EYA2: variants seen among roughly 807,000 people sequenced by gnomAD.
The protein encoded by EYA2 is EYA transcriptional coactivator and phosphatase 2.
In EYA2, 31 loss-of-function variants were observed where a neutral mutation model predicts 69.2. The observed-to-expected ratio is 0.45, with a 90% CI of 0.34 to 0.60. EYA2 has a LOEUF of 0.60. Among genes scored for constraint, EYA2 ranks in the 20% least tolerant of loss-of-function variants. The probability of loss-of-function intolerance (pLI) is 0.02; values close to 1 mark genes in which losing one functional copy is unlikely to be tolerated. For synonymous variants in EYA2, 257 were observed against 279.4 expected (o/e 0.92, Z 0.80); for missense variants, 622 against 701.2 (o/e 0.89, Z 1.28).
chr20:46,909,330 A>G (rs1279045600), intron 1 of EYA2, among the ~76,000 whole-genome samples: 1 of 152,090 alleles, frequency 6.6e-6, no homozygotes, highest in African/African-American at 2.4e-5. Flanking sequence ...AGGAGATTGG[A>G]AAGTTGAGTA....
At chr20:47,126,462 C>T (rs966012233) in intron 9 of EYA2, among the ~76,000 whole-genome samples, 4 of 152,266 alleles carry the variant, frequency 2.6e-5, no homozygotes, top group East Asian at 1.9e-4. Flanking sequence ...AAGGGCAGAG[C>T]GCAGATTGCA....
At chr20:47,033,746 G>A (rs1245666639) in intron 5 of EYA2, among the ~76,000 whole-genome samples, 2 of 152,228 alleles carry the variant, frequency 1.3e-5, no homozygotes, top group East Asian at 3.8e-4. Context: ...CAAATTGAAG[G>A]CTGCTCCTTT....
At chr20:46,982,773 T>C (rs1600605956) in intron 1 of EYA2, among the ~76,000 whole-genome samples, 1 of 122,104 alleles carries the variant, frequency 8.2e-6, no homozygotes, top group Non-Finnish European at 1.6e-5. Flanking sequence ...TTCTGTAATT[T>C]CCTTTTTTTT....
intron 5 of EYA2, among the ~76,000 whole-genome samples, chr20:47,057,250 T>A (rs2030674442): frequency 6.6e-6 from 1 of 151,776 alleles, no homozygotes; most frequent in Non-Finnish European, 1.5e-5. Context: ...AGCAGCTGAG[T>A]GAATGAAAGG....
At chr20:47,034,282 A>G (rs149829327) in intron 5 of EYA2, among the ~76,000 whole-genome samples, 20 of 152,390 alleles carry the variant, frequency 1.3e-4, no homozygotes, top group African/African-American at 4.3e-4. Flanking sequence ...AAATTTATTT[A>G]AGTAAAAACA....
chr20:46,966,516 G>A (rs1979791883), intron 1 of EYA2, among the ~76,000 whole-genome samples: 1 of 151,988 alleles, frequency 6.6e-6, no homozygotes, highest in East Asian at 1.9e-4. Context: ...AAAAAAATAT[G>A]TAAAACAGCA....
chr20:46,936,614 T>C (rs1985919502), intron 1 of EYA2, among the ~76,000 whole-genome samples: 1 of 152,180 alleles, frequency 6.6e-6, no homozygotes, highest in South Asian at 2.1e-4. Context: ...AAGGCAGGTG[T>C]CTTTCTCTCA....
At chr20:46,942,568 T>C (rs1986202540) in intron 1 of EYA2, among the ~76,000 whole-genome samples, 1 of 152,200 alleles carries the variant, frequency 6.6e-6, no homozygotes, top group South Asian at 2.1e-4. Flanking sequence ...GTTATGCAGA[T>C]GTGACTTACC....
intron 12 of EYA2, among the ~76,000 whole-genome samples, chr20:47,174,627 T>C (rs964398222): frequency 3.3e-5 from 5 of 152,256 alleles, no homozygotes; most frequent in Non-Finnish European, 7.3e-5. Flanking sequence ...CTAAGCGCGG[T>C]CCTGGCAGTA....
intron 10 of EYA2, among the ~76,000 whole-genome samples, chr20:47,152,061 C>CTAAG (rs1204318503): frequency 6.6e-6 from 1 of 152,038 alleles, no homozygotes; most frequent in Non-Finnish European, 1.5e-5. Context: ...CTGCAGAACT[C>CTAAG]TAGAGGTTAG....
Position 47,027,543 on chromosome 20 carries a change from C to T in EYA2, c.415+11246C>T, listed in dbSNP as rs551931346. Among the ~76,000 whole-genome samples, 14 of 152,272 alleles carry T rather than the reference C, an allele frequency of 9.2e-5. No homozygotes were observed. In the South Asian group the frequency reaches 2.3e-3, roughly 25 times the overall value. ...GAGCTAAAGTCTTCTGAATTTAGAA[C>T]GTATAGAGTTTAAATGGAGGGTCTT... On this transcript the variant is annotated intron_variant, in intron 5 of 15. Transcript: ENST00000327619.
chr20:47,143,856 T>C (rs1195975884), intron 10 of EYA2, among the ~76,000 whole-genome samples: 1 of 152,140 alleles, frequency 6.6e-6, no homozygotes, highest in African/African-American at 2.4e-5. Flanking sequence ...AAATCCAGGC[T>C]CAGGCTAACT....
chr20:47,103,478 G>T (rs984904216), intron 9 of EYA2, among the ~76,000 whole-genome samples: 1 of 152,210 alleles, frequency 6.6e-6, no homozygotes, highest in African/African-American at 2.4e-5. Context: ...TCAAGACTGG[G>T]TAATTTATAA....
At chr20:47,120,856 G>C (rs753573746) in intron 9 of EYA2, among the ~76,000 whole-genome samples, 1 of 152,186 alleles carries the variant, frequency 6.6e-6, no homozygotes, top group Non-Finnish European at 1.5e-5. Context: ...GTTAGTTCTT[G>C]AGTTTGAATT....
At chr20:46,989,653 CCTGT>C (rs1389894522) in intron 1 of EYA2, among the ~76,000 whole-genome samples, 2 of 152,234 alleles carry the variant, frequency 1.3e-5, no homozygotes, top group Non-Finnish European at 2.9e-5. Flanking sequence ...TCCCTCTCTG[CCTGT>C]CTGTCTCTTT....
At chr20:47,009,897 G>C (rs1036340891) in intron 4 of EYA2, among the ~76,000 whole-genome samples, 1 of 152,186 alleles carries the variant, frequency 6.6e-6, no homozygotes, top group African/African-American at 2.4e-5. Context: ...GCATCTTTTA[G>C]TACACATTCT....
chr20:47,003,627 GA>G (rs1050276971), intron 3 of EYA2, among the ~76,000 whole-genome samples: 1 of 151,992 alleles, frequency 6.6e-6, no homozygotes, highest in African/African-American at 2.4e-5. Flanking sequence ...TTCAAATTAG[GA>G]AAAAAAATAA....
chr20:46,981,658 T>TA lies in EYA2; in HGVS notation c.-10-8342dup, dbSNP rs1186755550. 2.6e-5 allele frequency among the ~76,000 whole-genome samples: 4 copies of TA among 152,306 alleles called. No individual in the cohort carries two copies. In the East Asian group the frequency reaches 7.7e-4, roughly 29 times the overall value. ...TTTTGGAAAAAATAAACTTTTAAATTATCATATATTGGTGGATTATTTTAT... is the reference window on the plus strand; with the variant it reads ...TTTTGGAAAAAATAAACTTTTAAATTAATCATATATTGGTGGATTATTTTAT... On this transcript the variant is annotated intron_variant, in intron 1 of 15. Transcript: ENST00000327619.
At chr20:46,989,709 A>G (rs1312543422) in intron 1 of EYA2, among the ~76,000 whole-genome samples, 1 of 152,228 alleles carries the variant, frequency 6.6e-6, no homozygotes, top group African/African-American at 2.4e-5. Flanking sequence ...GCTCATTTAT[A>G]TGACATTGAA....
Sources: allele counts gnomAD v4.1 joint callset (sites outside exome capture counted in the v4.1 genomes callset), GRCh38; gene constraint gnomAD v4.1.1; transcripts MANE v1.5; gene names NCBI Gene and HGNC (gene_info 2026-07-23, HGNC 2026-07-21).